AKAP6: variants seen among roughly 807,000 people sequenced by gnomAD.
The protein encoded by AKAP6 is A-kinase anchor protein 6.
AKAP6 carries 58 observed loss-of-function variants against 188.5 expected under a neutral mutation model. The observed-to-expected ratio is 0.31, with a 90% CI of 0.25 to 0.38. The LOEUF is 0.38. Among genes scored for constraint, AKAP6 ranks in the 10% least tolerant of loss-of-function variants. The probability of loss-of-function intolerance (pLI) is 1.00; values close to 1 mark genes in which losing one functional copy is unlikely to be tolerated. For missense variants in AKAP6, 2,710 were observed against 2,740.0 expected, an observed-to-expected ratio of 0.99 and a Z score of 0.24; for synonymous variants, 989 against 998.6, an observed-to-expected ratio of 0.99 and a Z score of 0.18.
chr14:32,456,344 G>T (rs953640963), intron 2 of AKAP6, among the ~76,000 whole-genome samples: 1 of 151,918 alleles, frequency 6.6e-6, no homozygotes, highest in East Asian at 1.9e-4. Flanking sequence ...TAGAAATATT[G>T]TCTTTAGGCC....
chr14:32,659,900 A>G (rs1888613160), intron 7 of AKAP6, among the ~76,000 whole-genome samples: 1 of 152,134 alleles, frequency 6.6e-6, no homozygotes, highest in Non-Finnish European at 1.5e-5. Flanking sequence ...AGAGAATAAC[A>G]AACAAACATA....
intron 11 of AKAP6, among the ~76,000 whole-genome samples, chr14:32,767,319 G>A (rs1410179504): frequency 1.3e-5 from 2 of 151,966 alleles, no homozygotes; most frequent in Non-Finnish European, 2.9e-5. Flanking sequence ...AAACCCAAAC[G>A]AAAATAACTC....
At chr14:32,576,510 G>A (rs1884725086) in intron 4 of AKAP6, among the ~76,000 whole-genome samples, 1 of 152,154 alleles carries the variant, frequency 6.6e-6, no homozygotes, top group Non-Finnish European at 1.5e-5. Context: ...CCGAAGTCAA[G>A]TATTTATGTT....
chr14:32,445,802 T>G (rs1456234687), intron 2 of AKAP6, among the ~76,000 whole-genome samples: 1 of 152,208 alleles, frequency 6.6e-6, no homozygotes, highest in Non-Finnish European at 1.5e-5. Context: ...TGTTGATACA[T>G]TTGTATGACT....
At chr14:32,614,694 T>G (rs1886485590) in intron 7 of AKAP6, among the ~76,000 whole-genome samples, 1 of 152,118 alleles carries the variant, frequency 6.6e-6, no homozygotes, top group Admixed American at 6.6e-5. Context: ...GTCCACATAC[T>G]ACTTTCTTTC....
At chr14:32,504,382 G>A (rs1210941677) in intron 2 of AKAP6, among the ~76,000 whole-genome samples, 1 of 152,112 alleles carries the variant, frequency 6.6e-6, no homozygotes, top group Non-Finnish European at 1.5e-5. Context: ...CCAGGCTCAA[G>A]CAATTCTCCT....
chr14:32,470,020 T>C (rs1049337729), intron 2 of AKAP6, among the ~76,000 whole-genome samples: 1 of 152,138 alleles, frequency 6.6e-6, no homozygotes, highest in African/African-American at 2.4e-5. Context: ...AAACATCAAG[T>C]CTTCTGAATA....
At chr14:32,580,038 A>ATT (rs967507366) in intron 5 of AKAP6, among the ~76,000 whole-genome samples, 2 of 152,116 alleles carry the variant, frequency 1.3e-5, no homozygotes, top group Non-Finnish European at 2.9e-5. Context: ...AACCTCCAAT[A>ATT]TTTATTATAA....
intron 11 of AKAP6, among the ~76,000 whole-genome samples, chr14:32,772,249 A>C (rs369468522): frequency 1.3e-5 from 2 of 152,182 alleles, no homozygotes; most frequent in African/African-American, 4.8e-5. Flanking sequence ...GAACCAATTA[A>C]TAGCAGCAGT....
intron 12 of AKAP6, among the ~76,000 whole-genome samples, chr14:32,801,124 CCCTT>C (rs1316706766): frequency 6.6e-6 from 1 of 152,090 alleles, no homozygotes; most frequent in Non-Finnish European, 1.5e-5. Flanking sequence ...ATTATTTAGA[CCCTT>C]CATATTTAAA....
intron 1 of AKAP6, among the ~76,000 whole-genome samples, chr14:32,379,696 G>A (rs1326833546): frequency 6.6e-6 from 1 of 152,024 alleles, no homozygotes; most frequent in Non-Finnish European, 1.5e-5. Context: ...TCTTGACCTG[G>A]ATGCCTCTCA....
At position 32,829,986 on chromosome 14, in the gene AKAP6, C is replaced by G. The variant is rs1566744842; in HGVS notation, c.*181C>G. ...TCCTTCCAAATGTGTTTTCTCCACACAAGCCTTGTGATCTGAATGTGTGCG... is the reference window on the plus strand; with the variant it reads ...TCCTTCCAAATGTGTTTTCTCCACAGAAGCCTTGTGATCTGAATGTGTGCG... On this transcript the variant is annotated 3_prime_UTR_variant, in exon 14 of 14. Transcript: ENST00000280979. 2 of 702,618 alleles carry G rather than the reference C, an allele frequency of 2.8e-6. No homozygotes were observed. The highest frequency in any genetic ancestry group is 4.0e-5 in the Admixed American group (2 of 49,996). 43.5% of individuals were successfully genotyped at this position (702,618 alleles called of 1,614,324 possible).
chr14:32,793,771 A>G (rs1016028140), intron 12 of AKAP6, among the ~76,000 whole-genome samples: 5 of 151,860 alleles, frequency 3.3e-5, no homozygotes, highest in African/African-American at 1.2e-4. Flanking sequence ...GGCATTAAAT[A>G]ATGGTAAAGG....
At chr14:32,551,826 A>T (rs1883481819) in intron 4 of AKAP6, among the ~76,000 whole-genome samples, 1 of 136,940 alleles carries the variant, frequency 7.3e-6, no homozygotes, top group Non-Finnish European at 1.5e-5. Flanking sequence ...CACCCGGCTA[A>T]TTTTTTGTAT....
rs2034786228 is a variant in AKAP6 at position 32,829,953 on chromosome 14, A to G, written c.*148A>G. The stretch of plus-strand genomic sequence containing the variant: ...GTTTATTACATTGACTTCTCCCAAG[A>G]TGAATCTTCCTTCCAAATGTGTTTT... On this transcript the variant is annotated 3_prime_UTR_variant, in exon 14 of 14. Transcript: ENST00000280979. 3 of 702,520 alleles carry G rather than the reference A, an allele frequency of 4.3e-6. No homozygotes were observed. The highest frequency in any genetic ancestry group is 7.8e-6 in the Non-Finnish European group (3 of 384,764). The allele number at this position is 702,520 out of a possible 1,614,324, so 43.5% of individuals were successfully genotyped here. A position where few individuals can be genotyped will look rare whatever the true frequency, so the allele number is the denominator to read the frequency against.
At chr14:32,693,042 G>A (rs1890246547) in intron 8 of AKAP6, among the ~76,000 whole-genome samples, 1 of 152,132 alleles carries the variant, frequency 6.6e-6, no homozygotes, top group South Asian at 2.1e-4. Context: ...TTTTCTCCAA[G>A]ATGACATCTG....
chr14:32,589,884 C>A (rs1052029014), intron 5 of AKAP6, among the ~76,000 whole-genome samples: 3 of 152,156 alleles, frequency 2.0e-5, no homozygotes, highest in African/African-American at 7.2e-5. Flanking sequence ...CTGAAGGACA[C>A]TGTGCATGGA....
chr14:32,445,727 C>T (rs1416178252), intron 2 of AKAP6, among the ~76,000 whole-genome samples: 2 of 152,126 alleles, frequency 1.3e-5, no homozygotes, highest in Non-Finnish European at 2.9e-5. Context: ...ATCATAGACA[C>T]AGCATTCAAT....
chr14:32,593,011 AACACACACACACACACACACAC>A (rs60277036), intron 5 of AKAP6, among the ~76,000 whole-genome samples: 6 of 123,796 alleles, frequency 4.8e-5, no homozygotes, highest in Admixed American at 8.1e-5. Context: ...CCCCCACCCC[AACACACACACACACACACACAC>A]ACACACACAC....
Sources: gnomAD v4.1 joint callset for allele counts (sites outside exome capture counted in the v4.1 genomes callset) on GRCh38, gnomAD v4.1.1 for gene constraint, MANE v1.5 for transcripts, NCBI Gene and HGNC (gene_info 2026-07-23, HGNC 2026-07-21) for gene names.